The following NFASC variants were observed in gnomAD, a reference collection of about 807,000 sequenced individuals.
NFASC encodes the protein neurofascin homolog.
In NFASC, 43 loss-of-function variants were observed where a neutral mutation model predicts 147.5. The observed-to-expected ratio is 0.29, with a 90% CI of 0.23 to 0.38. NFASC has a LOEUF of 0.38. Among genes scored for constraint, NFASC ranks in the 10% least tolerant of loss-of-function variants. NFASC has a pLI of 1.00. For missense variants in NFASC, 1,320 were observed against 1,689.0 expected (o/e 0.78, Z 3.83); for synonymous variants, 622 against 665.5 (o/e 0.93, Z 1.01).
intron 1 of NFASC, among the ~76,000 whole-genome samples, chr1:204,886,895 C>T (rs930910585): frequency 2.0e-5 from 3 of 152,070 alleles, no homozygotes; most frequent in Non-Finnish European, 2.9e-5. Context: ...ATATTCCAGC[C>T]TGTTATCCTT....
chr1:205,002,589 TC>T lies in NFASC; in HGVS notation c.3137-3del. 1.3e-6 allele frequency: 2 copies of T among 1,483,698 alleles called. No homozygotes were observed. The highest frequency in any genetic ancestry group is 1.9e-5 in the Admixed American group (1 of 53,454). 91.9% of individuals were successfully genotyped at this position (1,483,698 alleles called of 1,614,324 possible). ...GCTCTAGGCTGATTGAGGTTTCTGT[TC>T]CCCAGGCAACCATACGAAAAAAACT... On this transcript the variant is annotated splice_region_variant and splice_polypyrimidine_tract_variant and intron_variant, in intron 26 of 29. Coordinates refer to ENST00000339876, the MANE Select transcript of NFASC (RefSeq NM_001005388.3).
At position 204,968,320 on chromosome 1, in the gene NFASC, C is replaced by T. The variant is rs2095068291; in HGVS notation, c.778C>T (p.Arg260Cys). The T allele has an allele frequency of 8.1e-6, 13 of 1,614,172 alleles. 1 individual carries two copies. Among genetic ancestry groups the T allele is most frequent in the East Asian group, 4.5e-5 (2 of 44,876 alleles). The change falls in exon 9 of 30, where the codon CGT (arginine) becomes TGT (cysteine). Residue 260 changes from arginine (R) to cysteine (C), a missense_variant. This residue lies in a region of NFASC where 981 missense variants were observed against 1,289.5 expected (regional missense o/e 0.76). Coordinates refer to ENST00000339876, the MANE Select transcript of NFASC (RefSeq NM_001005388.3). This position sits in a 1 kb window ranked among gnomAD's most constrained non-coding sequence, Gnocchi z 5.4. ...CACCGCGAGCAGCCAGATGGTGCTT[C>T]GTGGCATGGACCTCCTGCTGGAATG... The part of the protein sequence containing the change: ...QGTASSQMVL[R>C]GMDLLLECIA...
At chr1:204,904,124 G>A (rs2085261895) in intron 1 of NFASC, among the ~76,000 whole-genome samples, 1 of 152,174 alleles carries the variant, frequency 6.6e-6, no homozygotes, top group African/African-American at 2.4e-5. Context: ...TTTTGAGACA[G>A]GGTCTCCCTC....
Position 204,968,227 on chromosome 1 carries a change from A to C in NFASC, c.707-22A>C. On this transcript the variant is annotated intron_variant, in intron 8 of 29. Coordinates refer to ENST00000339876, the MANE Select transcript of NFASC (RefSeq NM_001005388.3). The surrounding 1 kb of genome is among the most constrained non-coding windows in gnomAD (Gnocchi z 5.4). ...TGCCTTCTGGAAGGAGGCTCATGGG[A>C]GTTTGTTCTCTCCTGTTTCAGCCCG... 3 of 1,579,044 alleles carry C rather than the reference A, an allele frequency of 1.9e-6. No homozygotes were observed. Among genetic ancestry groups the C allele is most frequent in the Non-Finnish European group, 2.6e-6 (3 of 1,148,100 alleles).
intron 11 of NFASC, 90 bp downstream of exon 11, chr1:204,970,837 C>G: frequency 6.5e-7 from 1 of 1,526,868 alleles, no homozygotes; most frequent in Admixed American, 1.8e-5. Context: ...GCTGGTCACA[C>G]TAGAAGTTCA....
At position 205,018,547 on chromosome 1, in the gene NFASC, C is replaced by T. The variant is rs1462475679; in HGVS notation, c.*2008C>T. 6.6e-6 allele frequency: 1 copy of T among 152,670 alleles called. No individual in the cohort carries two copies. Among genetic ancestry groups the T allele is most frequent in the African/African-American group, 2.4e-5 (1 of 41,444 alleles). The allele number at this position is 152,670 out of a possible 1,614,324, so 9.5% of individuals were successfully genotyped here. The stretch of plus-strand genomic sequence containing the variant: ...CTCAGCTAGGGCTGCTGCCTGGACG[C>T]CTGAGGGGCAGCTTATCACAGTGCA... On this transcript the variant is annotated 3_prime_UTR_variant, in exon 30 of 30. Coordinates refer to ENST00000339876, the MANE Select transcript of NFASC (RefSeq NM_001005388.3).
chr1:204,861,908 A>T (rs1015505598), intron 1 of NFASC, among the ~76,000 whole-genome samples: 2 of 152,212 alleles, frequency 1.3e-5, no homozygotes, highest in Non-Finnish European at 2.9e-5. Flanking sequence ...TCTGGTTCTT[A>T]GCCTCTGGTC....
chr1:205,001,020 TC>T (rs10716288), intron 25 of NFASC, 149 bp from the exon 26 acceptor site: 152,784 of 657,164 alleles, frequency 0.23, 18,635 homozygotes, highest in Non-Finnish European at 0.25. Context: ...TTTCTGACTC[TC>T]CCCTTTCCTA....
intron 1 of NFASC, among the ~76,000 whole-genome samples, chr1:204,889,224 C>A (rs1572554272): frequency 6.6e-6 from 1 of 152,210 alleles, no homozygotes; most frequent in Non-Finnish European, 1.5e-5. Context: ...ATACAATATT[C>A]TTTTCCTAGG....
At position 204,974,824 on chromosome 1, in the gene NFASC, G is replaced by A. The variant is rs1384925903; in HGVS notation, c.1558+1G>A. 1 of 1,613,638 alleles carries A rather than the reference G, an allele frequency of 6.2e-7. No individual in the cohort carries two copies. The highest frequency in any genetic ancestry group is 8.5e-7 in the Non-Finnish European group (1 of 1,179,836). On this transcript the variant is annotated splice_donor_variant, in intron 14 of 29. Coordinates refer to ENST00000339876, the MANE Select transcript of NFASC (RefSeq NM_001005388.3). LOFTEE classifies it high-confidence loss of function. ...AACCAAGTCCGCCTGGAGGTCAAAG[G>A]TAAAGGAGAGGGTTCGCCAGTGGGA...
At chr1:204,877,952 C>A (rs1254568484) in intron 1 of NFASC, among the ~76,000 whole-genome samples, 2 of 152,190 alleles carry the variant, frequency 1.3e-5, no homozygotes, top group South Asian at 2.1e-4. Context: ...TCAAACACTG[C>A]AGCCCTTGAT....
intron 28 of NFASC, among the ~76,000 whole-genome samples, chr1:205,011,393 C>T (rs2096251807): frequency 6.6e-6 from 1 of 152,168 alleles, no homozygotes; most frequent in Non-Finnish European, 1.5e-5. Flanking sequence ...CTGTGCTGGG[C>T]CTGTCTGGTT....
intron 3 of NFASC, among the ~76,000 whole-genome samples, chr1:204,949,394 C>A (rs1558213714): frequency 1.3e-5 from 2 of 152,244 alleles, no homozygotes; most frequent in Non-Finnish European, 2.9e-5. Flanking sequence ...GTCACCATGG[C>A]TTTGCCCTGA....
intron 21 of NFASC, among the ~76,000 whole-genome samples, chr1:204,985,118 C>T (rs1344940745): frequency 5.3e-5 from 8 of 152,234 alleles, no homozygotes; most frequent in Non-Finnish European, 8.8e-5. Context: ...CCATGGGTCC[C>T]CCTCTAAGTC....
intron 8 of NFASC, among the ~76,000 whole-genome samples, chr1:204,963,180 G>A (rs1361152146): frequency 6.6e-6 from 1 of 152,210 alleles, no homozygotes; most frequent in East Asian, 1.9e-4. Flanking sequence ...CAGGGAGAGA[G>A]GCAAAGGCTC....
At chr1:204,900,863 A>G (rs2084417933) in intron 1 of NFASC, among the ~76,000 whole-genome samples, 1 of 152,028 alleles carries the variant, frequency 6.6e-6, no homozygotes, top group African/African-American at 2.4e-5. Flanking sequence ...TCAAAGTGGA[A>G]ATGGGGTCTT....
rs954830734 is a variant in NFASC, at chr1:205,021,552, G to A, written c.*5013G>A. On this transcript the variant is annotated 3_prime_UTR_variant, in exon 30 of 30. Transcript: ENST00000339876. ...GACAAGGATATGCAAATCCACAGAA[G>A]TGAAGGGATTTTTGCTCAAGATCAC... is the stretch of plus-strand genomic sequence containing the variant. 6.5e-6 allele frequency: 1 copy of A among 153,064 alleles called. No individual in the cohort carries two copies. Among genetic ancestry groups the A allele is most frequent in the Non-Finnish European group, 1.5e-5 (1 of 68,044 alleles). 9.5% of individuals were successfully genotyped at this position (153,064 alleles called of 1,614,324 possible).
At position 205,016,843 on chromosome 1, in the gene NFASC, GCCCT is replaced by G; in HGVS notation, c.*305_*308del. 3.4e-5 allele frequency: 16 copies of G among 468,368 alleles called. No individual in the cohort carries two copies. Among genetic ancestry groups the G allele is most frequent in the Admixed American group, 1.7e-4 (5 of 30,004 alleles). 29.0% of individuals were successfully genotyped at this position (468,368 alleles called of 1,614,324 possible). On this transcript the variant is annotated 3_prime_UTR_variant, in exon 30 of 30. Coordinates refer to ENST00000339876, the MANE Select transcript of NFASC (RefSeq NM_001005388.3). The surrounding 1 kb of genome is among the most constrained non-coding windows in gnomAD (Gnocchi z 5.1). ...CCCCGAGCGTTCCACCACACTGTCC[GCCCT>G]TGGCCTCGGCACACGCTCACCTTTT... is the stretch of plus-strand genomic sequence containing the variant.
chr1:204,872,228 A>G (rs1360339425), intron 1 of NFASC, among the ~76,000 whole-genome samples: 2 of 152,170 alleles, frequency 1.3e-5, no homozygotes, highest in Admixed American at 6.5e-5. Flanking sequence ...CCTCAACCCT[A>G]TGCACAAAGC....
Sources: allele counts gnomAD v4.1 joint callset (sites outside exome capture counted in the v4.1 genomes callset), GRCh38; gene constraint gnomAD v4.1.1; regional missense constraint gnomAD v4.1.1; non-coding constraint Gnocchi (gnomAD v3.1); transcripts MANE v1.5; gene names NCBI Gene and HGNC (gene_info 2026-07-23, HGNC 2026-07-21).